Variants in CDH12 observed in about 807,000 individuals in gnomAD.
CDH12 encodes cadherin 12, also known as cadherin-12.
In CDH12, 41 loss-of-function variants were observed where a neutral mutation model predicts 74.1. The observed-to-expected ratio is 0.55, with a 90% CI of 0.43 to 0.72. The LOEUF (loss-of-function observed/expected upper bound fraction) is 0.72. CDH12 is among the 30% of genes least tolerant of loss of function. The probability of loss-of-function intolerance (pLI) is 0.00; values close to 1 mark genes in which losing one functional copy is unlikely to be tolerated. For synonymous variants in CDH12, 399 were observed against 355.0 expected, an observed-to-expected ratio of 1.12 and a Z score of -1.39; for missense variants, 945 against 977.2, an observed-to-expected ratio of 0.97 and a Z score of 0.44.
chr5:22,665,816 C>T (rs1420448092), intron 1 of CDH12, among the ~76,000 whole-genome samples: 3 of 152,164 alleles, frequency 2.0e-5, no homozygotes. Context: ...CCCAACAGTG[C>T]TATCTTTCAG....
intron 1 of CDH12, among the ~76,000 whole-genome samples, chr5:22,542,769 T>C (rs936578595): frequency 6.6e-6 from 1 of 152,126 alleles, no homozygotes; most frequent in East Asian, 1.9e-4. Context: ...TTGAACTTAA[T>C]TGCTTAAGTT....
intron 1 of CDH12, among the ~76,000 whole-genome samples, chr5:22,640,529 T>C (rs988118680): frequency 6.6e-6 from 1 of 152,214 alleles, no homozygotes; most frequent in Admixed American, 6.5e-5. Flanking sequence ...TCTACATCAT[T>C]GGCTCATTCC....
chr5:22,836,041 G>T (rs1736801154), intron 1 of CDH12, among the ~76,000 whole-genome samples: 1 of 152,066 alleles, frequency 6.6e-6, no homozygotes, highest in Non-Finnish European at 1.5e-5. Context: ...TGCATAGGAA[G>T]AGTATGGTAT....
At chr5:22,286,752 T>C (rs1405553976) in intron 3 of CDH12, among the ~76,000 whole-genome samples, 1 of 151,914 alleles carries the variant, frequency 6.6e-6, no homozygotes, top group Admixed American at 6.6e-5. Context: ...CTCAAAAATT[T>C]AGACTGATAT....
intron 2 of CDH12, among the ~76,000 whole-genome samples, chr5:22,472,871 A>G (rs2126608468): frequency 6.6e-6 from 1 of 152,226 alleles, no homozygotes; most frequent in South Asian, 2.1e-4. Context: ...GGAACCAGGG[A>G]CATCCTTTTA....
intron 6 of CDH12, among the ~76,000 whole-genome samples, chr5:21,938,723 C>CATATATATATATATATATATT (rs1755187542): frequency 8.9e-6 from 1 of 112,078 alleles, no homozygotes; most frequent in African/African-American, 4.0e-5. Context: ...ATATAATATA[C>CATATATATATATATATATATT]ATATATATAT....
chr5:22,442,981 T>G (rs1156376878), intron 2 of CDH12, among the ~76,000 whole-genome samples: 1 of 152,108 alleles, frequency 6.6e-6, no homozygotes, highest in Non-Finnish European at 1.5e-5. Context: ...TTTTCCTCAG[T>G]CTGGTAATAG....
At chr5:21,828,155 C>A (rs1229423702) in intron 8 of CDH12, among the ~76,000 whole-genome samples, 1 of 150,126 alleles carries the variant, frequency 6.7e-6, no homozygotes, top group Admixed American at 6.6e-5. Flanking sequence ...TGGAGTCTCA[C>A]TCTGTTGCCC....
intron 4 of CDH12, among the ~76,000 whole-genome samples, chr5:22,080,946 A>AT (rs533768100): frequency 1.8e-4 from 27 of 151,522 alleles, no homozygotes; most frequent in Admixed American, 1.5e-3. Flanking sequence ...CACCCGGCTA[A>AT]TTTTTTTTAT....
chr5:22,350,033 C>T (rs1325586349), intron 3 of CDH12, among the ~76,000 whole-genome samples: 1 of 152,120 alleles, frequency 6.6e-6, no homozygotes, highest in Non-Finnish European at 1.5e-5. Context: ...ATAGAGCGTA[C>T]CTGTAAACGT....
At chr5:21,986,994 C>T (rs1757544637) in intron 5 of CDH12, among the ~76,000 whole-genome samples, 1 of 152,040 alleles carries the variant, frequency 6.6e-6, no homozygotes, top group South Asian at 2.1e-4. Flanking sequence ...ATATGTCCTA[C>T]ACTAATTTAT....
intron 4 of CDH12, among the ~76,000 whole-genome samples, chr5:22,178,456 A>T (rs56729086): frequency 0.056 from 8,468 of 152,162 alleles, 255 homozygotes; most frequent in Non-Finnish European, 0.062. Flanking sequence ...TTGTAAAACC[A>T]CTTTTCTGTT....
chr5:22,031,920 G>A (rs1249100906), intron 5 of CDH12, among the ~76,000 whole-genome samples: 1 of 150,072 alleles, frequency 6.7e-6, no homozygotes, highest in African/African-American at 2.4e-5. Context: ...ACCAAAACGT[G>A]ACACAAACAC....
At chr5:22,305,794 G>A (rs545680319) in intron 3 of CDH12, among the ~76,000 whole-genome samples, 2 of 152,182 alleles carry the variant, frequency 1.3e-5, no homozygotes, top group Non-Finnish European at 2.9e-5. Flanking sequence ...AGTAAATGTT[G>A]ACCGTAAATG....
At chr5:22,155,607 T>A (rs369291037) in intron 4 of CDH12, among the ~76,000 whole-genome samples, 16 of 152,142 alleles carry the variant, frequency 1.1e-4, no homozygotes, top group African/African-American at 3.9e-4. Flanking sequence ...GACTTTGGGT[T>A]ATTGGAATAG....
At chr5:21,863,121 T>G (rs981545796) in intron 6 of CDH12, among the ~76,000 whole-genome samples, 1 of 152,318 alleles carries the variant, frequency 6.6e-6, no homozygotes, top group African/African-American at 2.4e-5. Context: ...TGACATGTTC[T>G]GAACAGCGTG....
At chr5:22,156,148 G>T (rs1748008366) in intron 4 of CDH12, among the ~76,000 whole-genome samples, 1 of 152,076 alleles carries the variant, frequency 6.6e-6, no homozygotes, top group Admixed American at 6.6e-5. Flanking sequence ...GAACTGTGTG[G>T]CATGGCCTAG....
chr5:22,427,802 T>G (rs575025837), intron 2 of CDH12, among the ~76,000 whole-genome samples: 1 of 152,306 alleles, frequency 6.6e-6, no homozygotes, highest in East Asian at 1.9e-4. Flanking sequence ...GTATCATGTC[T>G]ATTTTATCGA....
chr5:22,590,309 T>C (rs1740639346), intron 1 of CDH12, among the ~76,000 whole-genome samples: 1 of 152,128 alleles, frequency 6.6e-6, no homozygotes, highest in Non-Finnish European at 1.5e-5. Context: ...AGAGAGAACA[T>C]TTTTAAAAGT....
Sources: gnomAD v4.1 joint callset for allele counts (sites outside exome capture counted in the v4.1 genomes callset) on GRCh38, gnomAD v4.1.1 for gene constraint, MANE v1.5 for transcripts, NCBI Gene and HGNC (gene_info 2026-07-23, HGNC 2026-07-21) for gene names.